The following DSE variants were observed in gnomAD, a reference collection of about 807,000 sequenced individuals.
The protein encoded by DSE is dermatan-sulfate epimerase.
In DSE, 36 loss-of-function variants were observed where a neutral mutation model predicts 84.4. That is an observed-to-expected ratio of 0.43 (90% CI 0.33 to 0.56). The LOEUF (loss-of-function observed/expected upper bound fraction) is 0.56. Ranked by LOEUF, DSE falls within the 20% of genes least tolerant of loss-of-function variation. The pLI, the probability that DSE is intolerant of heterozygous loss-of-function variation, is 0.06. For synonymous variants in DSE, 410 were observed against 430.1 expected, an observed-to-expected ratio of 0.95 and a Z score of 0.58; for missense variants, 862 against 1,169.6, an observed-to-expected ratio of 0.74 and a Z score of 3.84.
At chr6:116,260,380 T>C (rs1043943335) in intron 2 of DSE, among the ~76,000 whole-genome samples, 1 of 152,236 alleles carries the variant, frequency 6.6e-6, no homozygotes, top group Admixed American at 6.5e-5. Context: ...TGCTGGATAT[T>C]AGACTTTTGT....
intron 2 of DSE, among the ~76,000 whole-genome samples, chr6:116,359,479 A>G (rs1246769254): frequency 6.6e-6 from 1 of 152,120 alleles, no homozygotes; most frequent in Non-Finnish European, 1.5e-5. Context: ...TTTTCTTCCT[A>G]TTTATAATTT....
Position 116,296,412 on chromosome 6 carries a change from A to T in DSE, c.-54+37445A>T, listed in dbSNP as rs532552694. ...TGTGGGGTTGAACAAGACATGCTAA[A>T]TCCCTGCCTATTAGGAGTTTATATT... On this transcript the variant is annotated intron_variant, in intron 2 of 3. Coordinates refer to the DSE transcript ENST00000430252. 3.3e-5 allele frequency among the ~76,000 whole-genome samples: 5 copies of T among 152,314 alleles called. No individual in the cohort carries two copies. The South Asian group carries it at 8.3e-4, about 25-fold the overall frequency.
At chr6:116,370,448 A>T, upstream of DSE, 2 of 987,766 alleles carry the variant, frequency 2.0e-6, no homozygotes, top group Non-Finnish European at 2.4e-6. Flanking sequence ...GAGAGAAAAG[A>T]GGCAGTAACT....
chr6:116,440,502 A>G lies in DSE; in HGVS notation c.*3157A>G, dbSNP rs1050829789. 1 of 152,182 alleles carries G rather than the reference A, an allele frequency of 6.6e-6. No individual in the cohort carries two copies. The highest frequency in any genetic ancestry group is 2.4e-5 in the African/African-American group (1 of 41,440). 9.4% of individuals were successfully genotyped at this position (152,182 alleles called of 1,614,324 possible). A position where few individuals can be genotyped will look rare whatever the true frequency, so the allele number is the denominator to read the frequency against. On this transcript the variant is annotated 3_prime_UTR_variant, in exon 6 of 6. Transcript: ENST00000644252. ...TTTGATAGTTCACAAACCACTCACA[A>G]AAGAATCTGAAATTTCTCCAAGTGT... is the stretch of plus-strand genomic sequence containing the variant.
chr6:116,353,058 G>A (rs1324306004), intron 2 of DSE, among the ~76,000 whole-genome samples: 1 of 152,204 alleles, frequency 6.6e-6, no homozygotes, highest in Non-Finnish European at 1.5e-5. Flanking sequence ...GTCATAAGTG[G>A]TTGGGCTTCC....
intron 2 of DSE, among the ~76,000 whole-genome samples, chr6:116,322,713 A>G (rs1440491379): frequency 1.3e-5 from 2 of 152,232 alleles, no homozygotes; most frequent in African/African-American, 4.8e-5. Flanking sequence ...TAAGATTTAA[A>G]TGCAAACCTG....
chr6:116,334,337 C>A (rs1361043336), intron 2 of DSE, among the ~76,000 whole-genome samples: 1 of 152,202 alleles, frequency 6.6e-6, no homozygotes, highest in Non-Finnish European at 1.5e-5. Flanking sequence ...ATAAAGGATT[C>A]TACCTTATTT....
intron 1 of DSE, among the ~76,000 whole-genome samples, chr6:116,380,878 T>C (rs1016543973): frequency 1.3e-5 from 2 of 152,172 alleles, no homozygotes; most frequent in Admixed American, 6.5e-5. Flanking sequence ...GTGAAATCTG[T>C]ACACATTCTT....
chr6:116,384,743 T>C (rs1780468566), intron 1 of DSE, among the ~76,000 whole-genome samples: 2 of 152,206 alleles, frequency 1.3e-5, no homozygotes, highest in Admixed American at 1.3e-4. Context: ...CCAACTAATA[T>C]ATATTTTTTA....
Position 116,437,014 on chromosome 6 carries a change from C to G in DSE, c.2546C>G (p.Pro849Arg), listed in dbSNP as rs1182878832. 3.1e-6 allele frequency: 5 copies of G among 1,613,876 alleles called. No homozygotes were observed. The highest frequency in any genetic ancestry group is 2.2e-5 in the East Asian group (1 of 44,896). Residue 849 changes from proline (P) to arginine (R), a missense_variant, in exon 6 of 6, where the codon CCC becomes CGC. Coordinates refer to ENST00000644252, the MANE Select transcript of DSE (RefSeq NM_013352.4). ...KAQILAQKEL[P>R]IDEDEEMKDL... ...CAGATTTTGGCACAGAAAGAACTAC[C>G]CATAGATGAAGATGAAGAAATGAAA...
intron 2 of DSE, among the ~76,000 whole-genome samples, chr6:116,334,707 A>G (rs957371728): frequency 6.6e-6 from 1 of 152,202 alleles, no homozygotes; most frequent in Non-Finnish European, 1.5e-5. Flanking sequence ...ACAAATTTAC[A>G]AGAAAAAAGA....
intron 2 of DSE, among the ~76,000 whole-genome samples, chr6:116,298,285 G>T (rs1357092398): frequency 6.6e-6 from 1 of 152,164 alleles, no homozygotes; most frequent in Non-Finnish European, 1.5e-5. Flanking sequence ...ATAGCAAGGG[G>T]GAATTAAGGT....
Position 116,430,834 on chromosome 6 carries a change from T to C in DSE, c.671-120T>C, listed in dbSNP as rs1783784680. On this transcript the variant is annotated intron_variant, in intron 3 of 5. Transcript: ENST00000644252. ...TTTATACACTGACAAGTTGGAGTTTTACAAAACGCGATTTGTAATATAAAC... is the reference window on the plus strand; with the variant it reads ...TTTATACACTGACAAGTTGGAGTTTCACAAAACGCGATTTGTAATATAAAC... 4 of 1,413,040 alleles carry C rather than the reference T, an allele frequency of 2.8e-6. No homozygotes were observed. In the South Asian group the frequency reaches 4.2e-5, roughly 15 times the overall value. The allele number at this position is 1,413,040 out of a possible 1,614,324, so 87.5% of individuals were successfully genotyped here.
At chr6:116,368,182 G>T (rs1469150993), upstream of DSE, among the ~76,000 whole-genome samples, 3 of 152,122 alleles carry the variant, frequency 2.0e-5, no homozygotes, top group African/African-American at 7.2e-5. Context: ...TGAGAGTGGG[G>T]ATACCTTTTT....
intron 2 of DSE, among the ~76,000 whole-genome samples, chr6:116,292,398 G>A (rs755743370): frequency 3.3e-5 from 5 of 152,144 alleles, no homozygotes; most frequent in Non-Finnish European, 5.9e-5. Context: ...CGAATTGGGC[G>A]GCAGCTATAC....
At chr6:116,328,377 C>A (rs2114782431) in intron 2 of DSE, among the ~76,000 whole-genome samples, 1 of 152,264 alleles carries the variant, frequency 6.6e-6, no homozygotes, top group East Asian at 1.9e-4. Context: ...AGATTTTAAT[C>A]AAATTTCTCA....
intron 2 of DSE, among the ~76,000 whole-genome samples, chr6:116,354,304 C>T (rs1364170157): frequency 6.6e-6 from 1 of 152,088 alleles, no homozygotes; most frequent in Admixed American, 6.6e-5. Context: ...CTACTAGGAG[C>T]TTAGACAACA....
chr6:116,342,748 G>T (rs558265541), intron 2 of DSE, among the ~76,000 whole-genome samples: 2 of 152,350 alleles, frequency 1.3e-5, no homozygotes, highest in African/African-American at 4.8e-5. Context: ...CATGAGTGAT[G>T]CAGAAGACAG....
At chr6:116,314,870 C>T (rs1231176177) in intron 2 of DSE, among the ~76,000 whole-genome samples, 1 of 152,140 alleles carries the variant, frequency 6.6e-6, no homozygotes, top group Non-Finnish European at 1.5e-5. Context: ...TTAACTTATC[C>T]ACGCTCTCAG....
Sources: allele counts gnomAD v4.1 joint callset (sites outside exome capture counted in the v4.1 genomes callset), GRCh38; gene constraint gnomAD v4.1.1; transcripts MANE v1.5; gene names NCBI Gene and HGNC (gene_info 2026-07-23, HGNC 2026-07-21).